The following PCDH11X variants were observed in gnomAD, a reference collection of about 807,000 sequenced individuals.
PCDH11X encodes protocadherin-11 X-linked.
Under a neutral mutation model 53.3 loss-of-function variants are expected in PCDH11X, and 18 were observed. That is an observed-to-expected ratio of 0.34 (90% CI 0.23 to 0.50). The LOEUF is 0.50. Among genes scored for constraint, PCDH11X ranks in the 20% least tolerant of loss-of-function variants. The pLI, the probability that PCDH11X is intolerant of heterozygous loss-of-function variation, is 0.98. For synonymous variants in PCDH11X, 279 were observed against 393.3 expected (o/e 0.71, Z 3.44); for missense variants, 570 against 1,032.4 (o/e 0.55, Z 6.14).
At chrX:92,616,182 TA>T (rs1265915115) in intron 10 of PCDH11X, among the ~76,000 whole-genome samples, 1 of 20,438 alleles carries the variant, frequency 4.9e-5, no homozygotes. Flanking sequence ...ACCCAGTCTG[TA>T]GCTTGCCTTT....
intron 8 of PCDH11X, among the ~76,000 whole-genome samples, chrX:92,334,054 AT>A (rs1043420510): frequency 1.8e-5 from 2 of 111,480 alleles, no homozygotes; most frequent in Admixed American, 1.9e-4. Flanking sequence ...AATACTGTAA[AT>A]TTTTTTGAAA....
At chrX:92,587,991 T>G (rs1313116714) in intron 10 of PCDH11X, among the ~76,000 whole-genome samples, 1 of 107,414 alleles carries the variant, frequency 9.3e-6, no homozygotes, top group Non-Finnish European at 1.9e-5. Context: ...GAGGCTAATA[T>G]ATTTCTCTAG....
At chrX:92,522,513 G>C (rs2074385323) in intron 10 of PCDH11X, among the ~76,000 whole-genome samples, 2 of 110,913 alleles carry the variant, frequency 1.8e-5, no homozygotes, top group African/African-American at 6.6e-5. Flanking sequence ...ACCAAAATGT[G>C]ACACAGAGAC....
intron 1 of PCDH11X, among the ~76,000 whole-genome samples, chrX:91,783,948 G>A (rs1935248880): frequency 8.9e-6 from 1 of 111,757 alleles, no homozygotes; most frequent in African/African-American, 3.3e-5. Flanking sequence ...TTGAGAAGAG[G>A]TTCATAAAGG....
intron 4 of PCDH11X, among the ~76,000 whole-genome samples, chrX:91,824,016 G>C (rs2147592530): frequency 9.0e-6 from 1 of 111,042 alleles, no homozygotes; most frequent in South Asian, 3.8e-4. Context: ...ACTCTCTTCT[G>C]GCTTGTAGGG....
intron 6 of PCDH11X, among the ~76,000 whole-genome samples, chrX:92,128,756 T>TA (rs35709243): frequency 3.6e-5 from 4 of 110,148 alleles, no homozygotes; most frequent in East Asian, 2.9e-4. Flanking sequence ...TTTTACAAAT[T>TA]AAAAAAAATA....
intron 7 of PCDH11X, among the ~76,000 whole-genome samples, chrX:92,217,860 A>T: frequency 9.0e-6 from 1 of 111,374 alleles, no homozygotes; most frequent in East Asian, 2.8e-4. Flanking sequence ...TGTCTCTCAG[A>T]CCAAAGTGCA....
intron 10 of PCDH11X, among the ~76,000 whole-genome samples, chrX:92,488,823 T>A (rs1211637171): frequency 1.2e-5 from 1 of 86,357 alleles, no homozygotes; most frequent in Non-Finnish European, 2.2e-5. Context: ...GATATTTGGG[T>A]TCCTCTGGAT....
chrX:91,790,707 G>A (rs757478466), intron 1 of PCDH11X, among the ~76,000 whole-genome samples: 15 of 110,593 alleles, frequency 1.4e-4, no homozygotes, highest in African/African-American at 3.0e-4. Context: ...GAATACAGCC[G>A]AATAGTCACT....
intron 6 of PCDH11X, among the ~76,000 whole-genome samples, chrX:92,158,164 T>C (rs1385843573): frequency 8.9e-6 from 1 of 111,737 alleles, no homozygotes; most frequent in Non-Finnish European, 1.9e-5. Flanking sequence ...TGCCGTAAGC[T>C]GAGATTGTGC....
intron 6 of PCDH11X, among the ~76,000 whole-genome samples, chrX:91,981,972 C>A (rs1233982237): frequency 1.9e-5 from 2 of 107,636 alleles, no homozygotes; most frequent in Non-Finnish European, 3.8e-5. Flanking sequence ...TGAGTGTTGT[C>A]ACCATGTGAT....
At chrX:92,213,134 A>G (rs1434646803) in intron 7 of PCDH11X, among the ~76,000 whole-genome samples, 1 of 112,080 alleles carries the variant, frequency 8.9e-6, no homozygotes, top group East Asian at 2.8e-4. Context: ...TAAAAAAATC[A>G]ACATACCCTG....
chrX:92,175,781 T>TACACAC (rs1419006123), intron 6 of PCDH11X, among the ~76,000 whole-genome samples: 1 of 81,141 alleles, frequency 1.2e-5, no homozygotes, highest in Non-Finnish European at 2.3e-5. Context: ...TGTGTGTATA[T>TACACAC]ATATACACAC....
chrX:91,798,588 CAA>C (rs1452874237), intron 1 of PCDH11X, among the ~76,000 whole-genome samples: 6 of 84,897 alleles, frequency 7.1e-5, no homozygotes, highest in Admixed American at 1.3e-4. Context: ...GACTCTGTCT[CAA>C]AAAAAAAAAA....
chrX:92,013,819 T>C (rs1250095994), intron 6 of PCDH11X, among the ~76,000 whole-genome samples: 1 of 111,731 alleles, frequency 9.0e-6, no homozygotes, highest in Non-Finnish European at 1.9e-5. Context: ...CTGGGAAAAC[T>C]GGCTAGCCAT....
chrX:92,467,718 T>C lies in PCDH11X; in HGVS notation c.3344-581T>C, dbSNP rs771475962. On this transcript the variant is annotated intron_variant, in intron 9 of 10. Coordinates refer to ENST00000682573, the MANE Select transcript of PCDH11X (RefSeq NM_032968.5). ...CTTATGTCCTAATTGTGAGAAATAA[T>C]ATAAAATTTTAGGTGAAGACAATGG... Among the ~76,000 whole-genome samples the C allele has an allele frequency of 2.3e-3, 253 of 111,203 alleles. 1 individual carries two copies. The highest frequency in any genetic ancestry group is 7.7e-3 in the African/African-American group (237 of 30,767).
Position 92,143,753 on chromosome X carries a change from T to C in PCDH11X, c.3034-57622T>C, listed in dbSNP as rs765863158. 2.7e-5 allele frequency among the ~76,000 whole-genome samples: 3 copies of C among 112,021 alleles called. No individual in the cohort carries two copies. In the East Asian group the frequency reaches 8.6e-4, roughly 32 times the overall value. On this transcript the variant is annotated intron_variant, in intron 6 of 10. Coordinates refer to ENST00000682573, the MANE Select transcript of PCDH11X (RefSeq NM_032968.5). Reference sequence around the variant, plus strand: ...GAATCCCTACCAGGGCACTGCCTAGTGGAGTTGTGAGAAGAGGGCCACTGT... The same window carrying C: ...GAATCCCTACCAGGGCACTGCCTAGCGGAGTTGTGAGAAGAGGGCCACTGT...
At chrX:92,011,066 T>C (rs1388658972) in intron 6 of PCDH11X, among the ~76,000 whole-genome samples, 2 of 111,314 alleles carry the variant, frequency 1.8e-5, no homozygotes, top group Non-Finnish European at 3.8e-5. Context: ...TTATTCTTTT[T>C]ATGGCTATGT....
At chrX:92,060,330 T>A (rs2148061487) in intron 6 of PCDH11X, among the ~76,000 whole-genome samples, 1 of 100,125 alleles carries the variant, frequency 1.0e-5, no homozygotes, top group South Asian at 4.9e-4. Flanking sequence ...GAATTAATTT[T>A]TTTGCAAACT....
Sources: allele counts gnomAD v4.1 joint callset (sites outside exome capture counted in the v4.1 genomes callset), GRCh38; gene constraint gnomAD v4.1.1; transcripts MANE v1.5; gene names NCBI Gene and HGNC (gene_info 2026-07-23, HGNC 2026-07-21).